HMGCLL1: variants seen among roughly 807,000 people sequenced by gnomAD.
HMGCLL1 encodes 3-hydroxymethyl-3-methylglutaryl-CoA lyase, cytoplasmic.
In HMGCLL1, 36 loss-of-function variants were observed where a neutral mutation model predicts 39.1. The ratio of observed to expected loss-of-function variants is 0.92; its 90% CI spans 0.71 to 1.22. The LOEUF (loss-of-function observed/expected upper bound fraction) is 1.22. HMGCLL1 is among the 50% of genes most tolerant of loss of function. The pLI, the probability that HMGCLL1 is intolerant of heterozygous loss-of-function variation, is 0.00. For synonymous variants in HMGCLL1, 149 were observed against 144.0 expected (o/e 1.03, Z -0.25); for missense variants, 451 against 416.5 (o/e 1.08, Z -0.72).
intron 3 of HMGCLL1, among the ~76,000 whole-genome samples, chr6:55,531,907 G>A (rs1482909893): frequency 6.6e-6 from 1 of 152,018 alleles, no homozygotes; most frequent in Non-Finnish European, 1.5e-5. Flanking sequence ...GGCTCCTACT[G>A]ATTCTACATT....
At chr6:55,479,112 C>G (rs574854246) in intron 7 of HMGCLL1, among the ~76,000 whole-genome samples, 8 of 151,358 alleles carry the variant, frequency 5.3e-5, no homozygotes, top group African/African-American at 2.4e-5. Context: ...TTGACACTTG[C>G]GTTTTGCAGC....
the HMGCLL1 span, among the ~76,000 whole-genome samples, chr6:55,660,742 A>G: frequency 6.6e-6 from 1 of 151,846 alleles, no homozygotes; most frequent in African/African-American, 2.4e-5. Context: ...CTGTAATGGG[A>G]TTGGGCAGGA....
the HMGCLL1 span, among the ~76,000 whole-genome samples, chr6:55,632,809 A>G: frequency 6.6e-6 from 1 of 152,108 alleles, no homozygotes; most frequent in East Asian, 1.9e-4. Flanking sequence ...TAAAAGCATA[A>G]TCATATTCTT....
intron 7 of HMGCLL1, among the ~76,000 whole-genome samples, chr6:55,456,608 C>A (rs567333281): frequency 7.2e-5 from 11 of 152,290 alleles, no homozygotes; most frequent in African/African-American, 2.6e-4. Context: ...CAACAGTAAG[C>A]TCTGGTGTTA....
At chr6:55,530,003 A>G (rs1768557361) in intron 3 of HMGCLL1, among the ~76,000 whole-genome samples, 1 of 147,352 alleles carries the variant, frequency 6.8e-6, no homozygotes, top group Non-Finnish European at 1.5e-5. Context: ...ACCAGAAAGC[A>G]TGGGTTAAAC....
the HMGCLL1 span, among the ~76,000 whole-genome samples, chr6:55,649,541 T>A: frequency 6.6e-6 from 1 of 151,954 alleles, no homozygotes; most frequent in Non-Finnish European, 1.5e-5. Flanking sequence ...AATTTGATTA[T>A]TAAATGCCTT....
At chr6:55,557,178 T>G (rs1164697365) in intron 1 of HMGCLL1, among the ~76,000 whole-genome samples, 1 of 152,186 alleles carries the variant, frequency 6.6e-6, no homozygotes, top group Non-Finnish European at 1.5e-5. Flanking sequence ...TAATTTATAC[T>G]ACATAGTCTT....
At chr6:55,502,860 A>G (rs1352050725) in intron 5 of HMGCLL1, among the ~76,000 whole-genome samples, 1 of 151,598 alleles carries the variant, frequency 6.6e-6, no homozygotes, top group Non-Finnish European at 1.5e-5. Flanking sequence ...CAAAGATGTT[A>G]TATCTTTTTT....
the HMGCLL1 span, among the ~76,000 whole-genome samples, chr6:55,675,070 T>C: frequency 1.3e-5 from 2 of 152,112 alleles, no homozygotes; most frequent in African/African-American, 4.8e-5. Context: ...TAAGAAGTAT[T>C]TTGTTGCATC....
intron 7 of HMGCLL1, among the ~76,000 whole-genome samples, chr6:55,465,125 G>T (rs1355869991): frequency 1.3e-5 from 2 of 152,054 alleles, no homozygotes; most frequent in African/African-American, 4.8e-5. Context: ...TACAACAAAG[G>T]TTTTAATATG....
intron 7 of HMGCLL1, among the ~76,000 whole-genome samples, chr6:55,454,074 T>C (rs145515340): frequency 0.016 from 2,420 of 152,326 alleles, 40 homozygotes; most frequent in Non-Finnish European, 0.027. Flanking sequence ...ATTAAATAAC[T>C]TTTTTTCCAC....
the HMGCLL1 span, among the ~76,000 whole-genome samples, chr6:55,647,769 A>ATT: frequency 1.3e-5 from 1 of 74,680 alleles, no homozygotes; most frequent in Non-Finnish European, 2.8e-5. Context: ...ATTTTATTTT[A>ATT]TTTTTTTTTT....
intron 1 of HMGCLL1, among the ~76,000 whole-genome samples, chr6:55,553,231 A>T (rs1392219423): frequency 7.0e-6 from 1 of 142,866 alleles, no homozygotes; most frequent in African/African-American, 2.6e-5. Flanking sequence ...ATATATATAC[A>T]TGTATTTACA....
At chr6:55,465,248 T>C (rs549531079) in intron 7 of HMGCLL1, among the ~76,000 whole-genome samples, 1 of 152,214 alleles carries the variant, frequency 6.6e-6, no homozygotes, top group South Asian at 2.1e-4. Context: ...CAACTGAAAT[T>C]TTGTCAAATG....
chr6:55,620,935 A>T, the HMGCLL1 span, among the ~76,000 whole-genome samples: 1 of 151,994 alleles, frequency 6.6e-6, no homozygotes, highest in African/African-American at 2.4e-5. Flanking sequence ...TTCACTATAG[A>T]TGTGTAAGTT....
the HMGCLL1 span, among the ~76,000 whole-genome samples, chr6:55,678,515 A>G: frequency 6.6e-6 from 1 of 152,198 alleles, no homozygotes; most frequent in East Asian, 1.9e-4. Context: ...GTCAAGTACA[A>G]TGCCTACGAA....
intron 7 of HMGCLL1, among the ~76,000 whole-genome samples, chr6:55,486,644 T>C (rs1766048572): frequency 6.6e-6 from 1 of 152,132 alleles, no homozygotes; most frequent in Non-Finnish European, 1.5e-5. Flanking sequence ...CTTTATCTTT[T>C]ATCACCGTCA....
intron 1 of HMGCLL1, among the ~76,000 whole-genome samples, chr6:55,578,190 C>T (rs1771849359): frequency 6.6e-6 from 1 of 152,100 alleles, no homozygotes; most frequent in Admixed American, 6.5e-5. Flanking sequence ...TCCTTTATTC[C>T]ATGTTTCAAC....
intron 7 of HMGCLL1, among the ~76,000 whole-genome samples, chr6:55,483,303 G>C (rs908883359): frequency 2.0e-5 from 3 of 152,144 alleles, no homozygotes; most frequent in Non-Finnish European, 4.4e-5. Flanking sequence ...GTCACACTCT[G>C]TCATCAGGCT....
Sources: gnomAD v4.1 joint callset for allele counts (sites outside exome capture counted in the v4.1 genomes callset) on GRCh38, gnomAD v4.1.1 for gene constraint, MANE v1.5 for transcripts, NCBI Gene and HGNC (gene_info 2026-07-23, HGNC 2026-07-21) for gene names.